Variants in AFF2 observed in about 807,000 individuals in gnomAD.
The protein encoded by AFF2 is ALF transcription elongation factor 2.
AFF2 carries 14 observed loss-of-function variants against 76.9 expected under a neutral mutation model. The observed-to-expected ratio is 0.18, with a 90% CI of 0.12 to 0.28. The LOEUF (loss-of-function observed/expected upper bound fraction) is 0.28. Ranked by LOEUF, AFF2 falls within the 10% of genes least tolerant of loss-of-function variation. The pLI is 1.00. For synonymous variants in AFF2, 398 were observed against 366.7 expected (o/e 1.09, Z -0.98); for missense variants, 868 against 1,001.1 (o/e 0.87, Z 1.79).
chrX:148,820,896 G>A (rs1191166702), intron 4 of AFF2, among the ~76,000 whole-genome samples: 1 of 111,684 alleles, frequency 9.0e-6, no homozygotes, highest in Non-Finnish European at 1.9e-5. Context: ...AAACTGGAAC[G>A]TCTAAAGAGA....
At chrX:148,893,803 G>A (rs1190229534) in intron 8 of AFF2, among the ~76,000 whole-genome samples, 1 of 111,774 alleles carries the variant, frequency 8.9e-6, no homozygotes, top group African/African-American at 3.3e-5. Context: ...CAGTGAGAGA[G>A]CAGCCACCTC....
chrX:148,816,342 C>T (rs888150352), intron 4 of AFF2, among the ~76,000 whole-genome samples: 8 of 111,509 alleles, frequency 7.2e-5, no homozygotes, highest in Non-Finnish European at 1.3e-4. Flanking sequence ...TCCCTTCTCT[C>T]GTTTGTCATT....
At chrX:148,669,223 A>G (rs957712610) in intron 3 of AFF2, among the ~76,000 whole-genome samples, 20 of 111,812 alleles carry the variant, frequency 1.8e-4, no homozygotes, top group African/African-American at 6.5e-4. Context: ...CATTATCAGC[A>G]TTTTGGTCAA....
intron 3 of AFF2, among the ~76,000 whole-genome samples, chrX:148,678,410 A>G (rs1455557830): frequency 2.7e-5 from 3 of 112,473 alleles, no homozygotes; most frequent in Non-Finnish European, 5.6e-5. Flanking sequence ...ATTTTCTTTG[A>G]GTGGGGGACA....
At chrX:148,596,120 G>A (rs888853605) in intron 1 of AFF2, among the ~76,000 whole-genome samples, 3 of 111,540 alleles carry the variant, frequency 2.7e-5, no homozygotes, top group Non-Finnish European at 3.8e-5. Context: ...AATGAAAACT[G>A]CCTTGAGATA....
At chrX:148,892,382 G>A (rs868933384) in intron 8 of AFF2, among the ~76,000 whole-genome samples, 1 of 102,950 alleles carries the variant, frequency 9.7e-6, no homozygotes. Flanking sequence ...ACACAAAAAA[G>A]TTGCTTTTAA....
intron 7 of AFF2, among the ~76,000 whole-genome samples, chrX:148,845,131 ACACACACACACACG>A (rs1237265319): frequency 2.6e-5 from 1 of 38,166 alleles, no homozygotes; most frequent in Non-Finnish European, 1.3e-4. Context: ...ACACACACAC[ACACACACACACACG>A]CACACTCACA....
At chrX:148,518,487 G>T (rs191601066) in intron 1 of AFF2, among the ~76,000 whole-genome samples, 1 of 112,607 alleles carries the variant, frequency 8.9e-6, no homozygotes, top group East Asian at 2.8e-4. Context: ...TTTGTGTTCT[G>T]CCCTGAGCAA....
At chrX:148,702,677 C>G (rs1354571601) in intron 3 of AFF2, among the ~76,000 whole-genome samples, 1 of 111,492 alleles carries the variant, frequency 9.0e-6, no homozygotes, top group East Asian at 2.8e-4. Flanking sequence ...TACACTTAAG[C>G]GAAATCTAAC....
chrX:148,921,546 C>T lies in AFF2; in HGVS notation c.1397+17288C>T, dbSNP rs181679427. Among the ~76,000 whole-genome samples, 92 of 112,165 alleles carry T rather than the reference C, an allele frequency of 8.2e-4. 2 individuals carry two copies. In the East Asian group the frequency reaches 0.018, roughly 22 times the overall value. ...GTCTGTTTCTTTCACTTAGTATGTT[C>T]TCAAAGTTCATCCATGTTTTAGCAT... On this transcript the variant is annotated intron_variant, in intron 9 of 20. Transcript: ENST00000370460.
At chrX:148,694,179 G>A (rs5980386) in intron 3 of AFF2, among the ~76,000 whole-genome samples, 2 of 101,429 alleles carry the variant, frequency 2.0e-5, no homozygotes, top group East Asian at 3.0e-4. Context: ...TGGGGTCGGG[G>A]GGGGGGAGGG....
intron 3 of AFF2, among the ~76,000 whole-genome samples, chrX:148,765,623 G>C (rs2069503740): frequency 9.0e-6 from 1 of 111,496 alleles, no homozygotes; most frequent in Non-Finnish European, 1.9e-5. Context: ...AAAACCCTGT[G>C]AAGGATTAGA....
At chrX:148,652,583 T>A (rs1435705323) in intron 2 of AFF2, among the ~76,000 whole-genome samples, 1 of 112,025 alleles carries the variant, frequency 8.9e-6, no homozygotes, top group Non-Finnish European at 1.9e-5. Flanking sequence ...GTGGTTTGAG[T>A]GCTCTTTGAA....
intron 7 of AFF2, among the ~76,000 whole-genome samples, chrX:148,862,730 G>A (rs923231119): frequency 4.6e-4 from 52 of 112,199 alleles, no homozygotes; most frequent in African/African-American, 1.5e-3. Flanking sequence ...AAGCAAATAC[G>A]TTTCTGTGTG....
intron 1 of AFF2, among the ~76,000 whole-genome samples, chrX:148,528,145 A>G (rs1338377911): frequency 8.9e-6 from 1 of 112,039 alleles, no homozygotes; most frequent in African/African-American, 3.2e-5. Context: ...AGACTACTGT[A>G]ATTCACTTTA....
chrX:148,966,881 T>C lies in AFF2; in HGVS notation c.3005T>C (p.Val1002Ala), dbSNP rs782191294. The change falls in exon 14 of 21, where the codon GTC (valine) becomes GCC (alanine). Residue 1002 changes from valine to alanine, a missense_variant. Val to Ala is a moderately conservative substitution (Grantham distance 64, BLOSUM62 0). Coordinates refer to ENST00000370460, the MANE Select transcript of AFF2 (RefSeq NM_002025.4). ...ATATVTATAIVTTTVTATATA... is the reference protein window; with the variant it reads ...ATATVTATAIATTTVTATATA... ...GCTACTGTCACTGCTACTGCCATTG[T>C]CACCACCACTGTCACAGCTACTGCC... is the stretch of plus-strand genomic sequence containing the variant. The C allele has an allele frequency of 3.3e-6, 4 of 1,211,170 alleles. No individual in the cohort carries two copies. The Admixed American group carries it at 8.7e-5, about 26-fold the overall frequency.
chrX:148,752,161 G>T (rs1185531323), intron 3 of AFF2, among the ~76,000 whole-genome samples: 2 of 111,437 alleles, frequency 1.8e-5, no homozygotes, highest in Non-Finnish European at 3.8e-5. Context: ...TATGAATTTG[G>T]GGGAATGTAA....
intron 3 of AFF2, among the ~76,000 whole-genome samples, chrX:148,672,555 G>A (rs1014063619): frequency 8.9e-6 from 1 of 111,736 alleles, no homozygotes; most frequent in African/African-American, 3.3e-5. Flanking sequence ...TCCTCTACTG[G>A]CACGTAAAGG....
chrX:148,947,854 C>G (rs1440451271), intron 9 of AFF2, among the ~76,000 whole-genome samples: 2 of 112,406 alleles, frequency 1.8e-5, no homozygotes, highest in Non-Finnish European at 3.8e-5. Flanking sequence ...GACATTTTAT[C>G]CCAGTAAAAC....
Sources: gnomAD v4.1 joint callset for allele counts (sites outside exome capture counted in the v4.1 genomes callset) on GRCh38, gnomAD v4.1.1 for gene constraint, MANE v1.5 for transcripts, NCBI Gene and HGNC (gene_info 2026-07-23, HGNC 2026-07-21) for gene names.